The following CNTNAP2 variants were observed in gnomAD, a reference collection of about 807,000 sequenced individuals.
The protein encoded by CNTNAP2 is contactin-associated protein-like 2.
In CNTNAP2, 98 loss-of-function variants were observed where a neutral mutation model predicts 155.2. The observed-to-expected ratio is 0.63, with a 90% CI of 0.54 to 0.75. The LOEUF is 0.75. Ranked by LOEUF, CNTNAP2 falls within the 30% of genes least tolerant of loss-of-function variation. CNTNAP2 has a pLI of 0.00. For synonymous variants in CNTNAP2, 651 were observed against 631.2 expected, an observed-to-expected ratio of 1.03 and a Z score of -0.47; for missense variants, 1,727 against 1,688.1, an observed-to-expected ratio of 1.02 and a Z score of -0.40.
Position 148,217,369 on chromosome 7 carries a change from G to T in CNTNAP2, c.3092G>T (p.Ser1031Ile). Residue 1031 changes from serine to isoleucine, a missense_variant, in exon 19 of 24, where the codon AGC becomes ATC. Physicochemically the swap from Ser to Ile is moderately radical, Grantham distance 142. Transcript: ENST00000361727. ...GCAACAAATGCCAGAGACTCCAGCA[G>T]CAGAGTAGACAACGCTCCCGACCAG... ...APATNARDSSSRVDNAPDQQN... is the reference protein window; with the variant it reads ...APATNARDSSIRVDNAPDQQN... The T allele has an allele frequency of 6.2e-7, 1 of 1,614,132 alleles. No individual in the cohort carries two copies. The highest frequency in any genetic ancestry group is 1.1e-5 in the South Asian group (1 of 91,080).
rs149997088 is a variant in CNTNAP2, at chr7:146,371,792, T to A, written c.97+254819T>A. ...CAACATGGTGAAACCCCGTCTCTACTTTAAAAAAATGCAAAAATTAGCTGT... is the reference window on the plus strand; with the variant it reads ...CAACATGGTGAAACCCCGTCTCTACATTAAAAAAATGCAAAAATTAGCTGT... On this transcript the variant is annotated intron_variant, in intron 1 of 23. Transcript: ENST00000361727. Among the ~76,000 whole-genome samples, 295 of 151,848 alleles carry A rather than the reference T, an allele frequency of 1.9e-3. 11 individuals carry two copies. In the East Asian group the frequency reaches 0.033, roughly 17 times the overall value.
chr7:148,209,964 C>T (rs762132084), intron 18 of CNTNAP2, among the ~76,000 whole-genome samples: 5 of 152,188 alleles, frequency 3.3e-5, no homozygotes, highest in African/African-American at 7.2e-5. Context: ...TCCCTACCCC[C>T]GTTACCAGCA....
chr7:146,707,582 T>C (rs1197020656), intron 1 of CNTNAP2, among the ~76,000 whole-genome samples: 1 of 152,022 alleles, frequency 6.6e-6, no homozygotes, highest in East Asian at 1.9e-4. Flanking sequence ...ACTGCCAGAG[T>C]CAGGTTGACC....
intron 21 of CNTNAP2, among the ~76,000 whole-genome samples, chr7:148,302,443 T>G (rs557307172): frequency 2.0e-5 from 3 of 152,228 alleles, no homozygotes; most frequent in African/African-American, 7.2e-5. Flanking sequence ...GCCCTGCCCT[T>G]TTTCAGCCTC....
chr7:147,128,166 T>C (rs992838570), intron 6 of CNTNAP2, among the ~76,000 whole-genome samples: 12 of 152,126 alleles, frequency 7.9e-5, no homozygotes, highest in African/African-American at 2.9e-4. Flanking sequence ...TTTTGAACTA[T>C]TTTCTACATC....
At chr7:147,052,061 A>G (rs1286009846) in intron 4 of CNTNAP2, among the ~76,000 whole-genome samples, 1 of 152,104 alleles carries the variant, frequency 6.6e-6, no homozygotes, top group Non-Finnish European at 1.5e-5. Flanking sequence ...TTCTCTAACC[A>G]AAATAGCCTC....
intron 1 of CNTNAP2, among the ~76,000 whole-genome samples, chr7:146,428,703 T>G (rs1796130289): frequency 6.6e-6 from 1 of 152,162 alleles, no homozygotes; most frequent in Non-Finnish European, 1.5e-5. Flanking sequence ...GTAGTTTGTC[T>G]GTTCACTCTG....
At chr7:146,291,444 C>A (rs923546393) in intron 1 of CNTNAP2, among the ~76,000 whole-genome samples, 2 of 152,172 alleles carry the variant, frequency 1.3e-5, no homozygotes, top group Non-Finnish European at 2.9e-5. Context: ...ACACAGCCAT[C>A]CCCATTTGTT....
At position 146,482,739 on chromosome 7, in the gene CNTNAP2, C is replaced by CA. The variant is rs555270058; in HGVS notation, c.98-291520dup. 8.7e-3 allele frequency among the ~76,000 whole-genome samples: 1,192 copies of CA among 136,378 alleles called. 10 individuals are homozygous for CA. The highest frequency in any genetic ancestry group is 0.078 in the Middle Eastern group (19 of 244). The allele number at this position is 136,378 out of a possible 152,430, so 89.5% of individuals were successfully genotyped here. A position where few individuals can be genotyped will look rare whatever the true frequency, so the allele number is the denominator to read the frequency against. On this transcript the variant is annotated intron_variant, in intron 1 of 23. Coordinates refer to ENST00000361727, the MANE Select transcript of CNTNAP2 (RefSeq NM_014141.6). Reference sequence around the variant, plus strand: ...GCCCGGTGACAGAGCAAGACTGTCTCAAAAAAAAAAAATTGTCATAATTTA... The same window carrying CA: ...GCCCGGTGACAGAGCAAGACTGTCTCAAAAAAAAAAAAATTGTCATAATTTA...
At position 146,929,459 on chromosome 7, in the gene CNTNAP2, C is replaced by T. The variant is rs549478046; in HGVS notation, c.402+89555C>T. ...TCTGTACATCACCATCATCAAAGAC[C>T]AAAAGTAGATAAAACCACAAAGATG... On this transcript the variant is annotated intron_variant, in intron 3 of 23. Coordinates refer to ENST00000361727, the MANE Select transcript of CNTNAP2 (RefSeq NM_014141.6). Among the ~76,000 whole-genome samples, 591 of 152,150 alleles carry T rather than the reference C, an allele frequency of 3.9e-3. 7 individuals are homozygous for T. The highest frequency in any genetic ancestry group is 0.013 in the African/African-American group (542 of 41,496).
At chr7:148,257,671 T>C (rs561302256) in intron 20 of CNTNAP2, among the ~76,000 whole-genome samples, 1 of 152,252 alleles carries the variant, frequency 6.6e-6, no homozygotes, top group South Asian at 2.1e-4. Context: ...CAAAAACAAG[T>C]TGCACTGAAA....
At chr7:146,721,031 C>A (rs1353619639) in intron 1 of CNTNAP2, among the ~76,000 whole-genome samples, 1 of 116,548 alleles carries the variant, frequency 8.6e-6, no homozygotes, top group African/African-American at 3.7e-5. Flanking sequence ...ATTATATATA[C>A]TCTATATATT....
intron 1 of CNTNAP2, among the ~76,000 whole-genome samples, chr7:146,747,359 A>G (rs993388764): frequency 9.2e-5 from 14 of 152,182 alleles, no homozygotes; most frequent in African/African-American, 3.1e-4. Context: ...TACCTGGAAC[A>G]GCAGTGGCTC....
chr7:147,302,966 A>G (rs1794971347), intron 9 of CNTNAP2, among the ~76,000 whole-genome samples: 1 of 152,232 alleles, frequency 6.6e-6, no homozygotes, highest in South Asian at 2.1e-4. Context: ...ACCTTGAATC[A>G]AATGTTCTCC....
chr7:147,462,784 T>G (rs34642567), intron 10 of CNTNAP2, among the ~76,000 whole-genome samples: 118,205 of 151,344 alleles, frequency 0.78, 46,516 homozygotes, highest in African/African-American at 0.88. Context: ...TTTGTTTGTT[T>G]GTTGGTTTTT....
intron 8 of CNTNAP2, among the ~76,000 whole-genome samples, chr7:147,230,876 G>A (rs569031742): frequency 1.5e-3 from 227 of 152,230 alleles, no homozygotes; most frequent in Non-Finnish European, 2.4e-3. Context: ...TTAGCCTAAT[G>A]TATTAGTCTA....
chr7:146,855,792 T>C (rs1000009831), intron 3 of CNTNAP2, among the ~76,000 whole-genome samples: 2 of 142,252 alleles, frequency 1.4e-5, no homozygotes, highest in Non-Finnish European at 3.0e-5. Context: ...TAAAAATATA[T>C]GTGTGTGTTA....
At chr7:146,871,617 T>G (rs1249740562) in intron 3 of CNTNAP2, among the ~76,000 whole-genome samples, 5 of 151,656 alleles carry the variant, frequency 3.3e-5, no homozygotes, top group African/African-American at 4.8e-5. Context: ...CTAGAAAGAG[T>G]AAATTACAAA....
chr7:148,293,822 G>A (rs1797234392), intron 21 of CNTNAP2, among the ~76,000 whole-genome samples: 1 of 151,920 alleles, frequency 6.6e-6, no homozygotes. Context: ...ATCACTTGAG[G>A]TCAGGAGTTC....
Sources: allele counts gnomAD v4.1 joint callset (sites outside exome capture counted in the v4.1 genomes callset), GRCh38; gene constraint gnomAD v4.1.1; transcripts MANE v1.5; gene names NCBI Gene and HGNC (gene_info 2026-07-23, HGNC 2026-07-21).